TRPM7: variants seen among roughly 807,000 people sequenced by gnomAD.
The protein encoded by TRPM7 is LTRPC ion channel family member 7.
Under a neutral mutation model 229.7 loss-of-function variants are expected in TRPM7, and 134 were observed. The ratio of observed to expected loss-of-function variants is 0.58; its 90% CI spans 0.51 to 0.67. TRPM7 has a LOEUF of 0.67. Among genes scored for constraint, TRPM7 ranks in the 30% least tolerant of loss-of-function variants. The pLI is 0.00. For synonymous variants in TRPM7, 699 were observed against 715.2 expected (o/e 0.98, Z 0.36); for missense variants, 1,901 against 2,210.0 (o/e 0.86, Z 2.80).
chr15:50,604,597 T>G, intron 21 of TRPM7: 1 of 208,168 alleles, frequency 4.8e-6, no homozygotes, highest in Non-Finnish European at 9.3e-6. Context: ...AAAAAAAGCC[T>G]GGATCAGTGA....
intron 23 of TRPM7, 95 bp from the exon 24 acceptor site, chr15:50,594,708 A>G: frequency 2.4e-6 from 2 of 850,498 alleles, no homozygotes; most frequent in Non-Finnish European, 1.7e-6. Context: ...GTACTAAATA[A>G]TAATTCAAAA....
Position 50,592,367 on chromosome 15 carries a change from T to G in TRPM7, c.3868A>C (p.Lys1290Gln), listed in dbSNP as rs778500235. The change falls in exon 26 of 39, where the codon AAA becomes CAA. Residue 1290 changes from lysine (K) to glutamine (Q), a missense_variant. Coordinates refer to ENST00000646667, the MANE Select transcript of TRPM7 (RefSeq NM_017672.6). Reference protein sequence around the residue: ...DDGPVRPSVWKKHGVVNTLSS... With the variant: ...DDGPVRPSVWQKHGVVNTLSS... ...AGTGTATTTACAACACCATGCTTTT[T>G]CCATACAGAAGGTCTTACAGGACCA... 6.2e-6 allele frequency: 10 copies of G among 1,614,192 alleles called. No homozygotes were observed. The South Asian group carries it at 1.1e-4, about 18-fold the overall frequency.
intron 11 of TRPM7, among the ~76,000 whole-genome samples, chr15:50,625,535 C>T (rs1396355029): frequency 1.3e-5 from 2 of 152,196 alleles, no homozygotes; most frequent in African/African-American, 2.4e-5. Context: ...CAGCCTCCCA[C>T]GTAGCTAAGA....
chr15:50,646,821 C>T (rs988923118), intron 4 of TRPM7, among the ~76,000 whole-genome samples: 1 of 152,022 alleles, frequency 6.6e-6, no homozygotes, highest in African/African-American at 2.4e-5. Context: ...ATTATAATAC[C>T]ATACTTCTGT....
rs564220616 is a variant in TRPM7, at chr15:50,649,631, A to G, written c.123-746T>C. Among the ~76,000 whole-genome samples the G allele has an allele frequency of 3.9e-5, 6 of 152,312 alleles. No homozygotes were observed. The South Asian group carries it at 1.2e-3, about 32-fold the overall frequency. Reference sequence around the variant, plus strand: ...TTCAAGAAACCGTGAACTAATCTATATAGTGACAAAAGGGTGATCAATGGT... The same window carrying G: ...TTCAAGAAACCGTGAACTAATCTATGTAGTGACAAAAGGGTGATCAATGGT... On this transcript the variant is annotated intron_variant, in intron 3 of 38. Transcript: ENST00000646667.
At chr15:50,631,531 T>C (rs745448234) in intron 9 of TRPM7, 42 bp from the exon 10 acceptor site, 4 of 1,355,516 alleles carry the variant, frequency 3.0e-6, no homozygotes, top group Non-Finnish European at 4.2e-6. Context: ...TTTATATTTT[T>C]AAAACAAAGG....
At chr15:50,586,635 T>C (rs1439515939) in intron 27 of TRPM7, 147 bp from the exon 28 acceptor site, 5 of 490,294 alleles carry the variant, frequency 1.0e-5, no homozygotes, top group South Asian at 3.4e-5. Context: ...TAGATTATGG[T>C]TATTTTCTTC....
intron 10 of TRPM7, among the ~76,000 whole-genome samples, chr15:50,629,956 G>C (rs1016491511): frequency 2.7e-5 from 4 of 147,488 alleles, no homozygotes; most frequent in Non-Finnish European, 6.0e-5. Context: ...CTGCCTTCCG[G>C]GTTCAAGCAA....
intron 13 of TRPM7, among the ~76,000 whole-genome samples, chr15:50,618,204 A>T (rs1043889639): frequency 1.3e-5 from 2 of 152,168 alleles, no homozygotes; most frequent in African/African-American, 4.8e-5. Flanking sequence ...ATAACAGTAC[A>T]TCAATTTAGT....
chr15:50,684,297 G>A (rs992944156), intron 1 of TRPM7, among the ~76,000 whole-genome samples: 5 of 151,610 alleles, frequency 3.3e-5, no homozygotes, highest in African/African-American at 7.3e-5. Context: ...GGATTACCAC[G>A]CCCGATTACT....
rs753215454 is a variant in TRPM7 at position 50,611,082 on chromosome 15, C to A, written c.2280+11G>T. On this transcript the variant is annotated intron_variant, in intron 17 of 38. Transcript: ENST00000646667. ...TCACATGCTTTATATCAAATTATTT[C>A]TAAAGTATACCTTGTACCAGGAATT... 6.3e-7 allele frequency: 1 copy of A among 1,582,156 alleles called. No individual in the cohort carries two copies. Among genetic ancestry groups the A allele is most frequent in the Non-Finnish European group, 8.7e-7 (1 of 1,152,822 alleles).
intron 38 of TRPM7, among the ~76,000 whole-genome samples, chr15:50,564,498 A>G (rs2053498945): frequency 6.6e-6 from 1 of 151,864 alleles, no homozygotes; most frequent in East Asian, 1.9e-4. Context: ...ATGCAGTAAT[A>G]TCAACATTAT....
intron 4 of TRPM7, among the ~76,000 whole-genome samples, chr15:50,647,494 C>T (rs1333026388): frequency 6.6e-6 from 1 of 152,020 alleles, no homozygotes; most frequent in African/African-American, 2.4e-5. Context: ...GCCTGTAATC[C>T]CAGCACTTTA....
chr15:50,564,248 A>AAAAATAAAAAT (rs2053461388), intron 38 of TRPM7, among the ~76,000 whole-genome samples: 1 of 124,744 alleles, frequency 8.0e-6, no homozygotes, highest in African/African-American at 3.4e-5. Flanking sequence ...GACTGTCTCA[A>AAAAATAAAAAT]AAAATAAAAT....
intron 7 of TRPM7, among the ~76,000 whole-genome samples, chr15:50,636,295 A>G (rs1015319121): frequency 6.6e-6 from 1 of 151,832 alleles, no homozygotes; most frequent in Non-Finnish European, 1.5e-5. Flanking sequence ...GGCTCAAACA[A>G]TTCTCCTGTC....
In TRPM7 at chr15:50,574,416, A is replaced by G; in HGVS notation, c.5166T>C (p.Cys1722=). The part of the protein sequence containing the change: ...SAGQWFAVEE[C]MTGEFRKYNN... ...TGTATTTTCTAAATTCTCCAGTCAT[A>G]CATTCTTCCACAGCAAACCACTGTC... The change falls in exon 36 of 39, where the codon TGT becomes TGC. Residue 1722 remains cysteine (C), a synonymous_variant. Coordinates refer to ENST00000646667, the MANE Select transcript of TRPM7 (RefSeq NM_017672.6). 6.2e-7 allele frequency: 1 copy of G among 1,613,978 alleles called. No individual in the cohort carries two copies. The highest frequency in any genetic ancestry group is 8.5e-7 in the Non-Finnish European group (1 of 1,179,990).
At chr15:50,616,047 T>C (rs1596204103) in intron 13 of TRPM7, among the ~76,000 whole-genome samples, 1 of 152,262 alleles carries the variant, frequency 6.6e-6, no homozygotes. Context: ...TCTCAAAATA[T>C]GCAGAATGAT....
intron 10 of TRPM7, among the ~76,000 whole-genome samples, chr15:50,629,275 T>C (rs1018039337): frequency 1.4e-5 from 2 of 146,542 alleles, no homozygotes; most frequent in Non-Finnish European, 3.0e-5. Context: ...GGAGTTTCCT[T>C]CTTCTTCTCT....
Position 50,577,946 on chromosome 15 carries a change from A to C in TRPM7, c.4618+693T>G, listed in dbSNP as rs534178561. 1.2e-3 allele frequency among the ~76,000 whole-genome samples: 176 copies of C among 151,512 alleles called. 1 individual carries two copies. The highest frequency in any genetic ancestry group is 3.4e-3 in the Middle Eastern group (1 of 294). ...TTTATAACAATATGTTAAGAAGAAGAAGCAAGACACAGAACAGTATATACT... is the reference window on the plus strand; with the variant it reads ...TTTATAACAATATGTTAAGAAGAAGCAGCAAGACACAGAACAGTATATACT... On this transcript the variant is annotated intron_variant, in intron 31 of 38. Transcript: ENST00000646667.
Sources: allele counts gnomAD v4.1 joint callset (sites outside exome capture counted in the v4.1 genomes callset), GRCh38; gene constraint gnomAD v4.1.1; transcripts MANE v1.5; gene names NCBI Gene and HGNC (gene_info 2026-07-23, HGNC 2026-07-21).